The following USH2A variants were observed in gnomAD, a reference collection of about 807,000 sequenced individuals.
USH2A encodes usherin.
A neutral mutation model predicts 538.9 loss-of-function variants in USH2A; 443 were observed. That is an observed-to-expected ratio of 0.82 (90% confidence interval 0.76 to 0.89). The LOEUF (loss-of-function observed/expected upper bound fraction) is 0.89, where lower values mean the gene tolerates loss of function less well. USH2A is among the 40% of genes least tolerant of loss of function. The pLI is 0.00. For missense variants in USH2A, 6,633 were observed against 6,324.8 expected, an observed-to-expected ratio of 1.05 and a Z score of -1.65; for synonymous variants, 2,413 against 2,273.5, an observed-to-expected ratio of 1.06 and a Z score of -1.75.
intron 27 of USH2A, among the ~76,000 whole-genome samples, chr1:216,074,618 G>C (rs1341313447): frequency 6.6e-6 from 1 of 152,018 alleles, no homozygotes; most frequent in African/African-American, 2.4e-5. Flanking sequence ...AATACTGCTA[G>C]TCTATCTTAA....
At chr1:215,759,909 C>T in intron 56 of USH2A, 66 bp from the exon 57 acceptor site, 3 of 1,577,510 alleles carry the variant, frequency 1.9e-6, no homozygotes, top group Non-Finnish European at 2.6e-6. Context: ...AAAAGTCACA[C>T]CATCCCCCCC....
chr1:216,256,772 C>T (rs1466495747), intron 11 of USH2A, among the ~76,000 whole-genome samples: 1 of 151,948 alleles, frequency 6.6e-6, no homozygotes, highest in East Asian at 1.9e-4. Flanking sequence ...GGTAAGAATA[C>T]AGTAAATAAT....
chr1:215,814,160 T>A (rs2102793568), intron 48 of USH2A, among the ~76,000 whole-genome samples: 1 of 147,478 alleles, frequency 6.8e-6, no homozygotes, highest in African/African-American at 2.4e-5. Context: ...TAATATGTAT[T>A]TAATTATATA....
intron 21 of USH2A, among the ~76,000 whole-genome samples, chr1:216,124,083 T>C (rs2102596909): frequency 6.6e-6 from 1 of 152,308 alleles, no homozygotes; most frequent in East Asian, 1.9e-4. Context: ...TTAGGCTGAA[T>C]TGCTGATGCT....
At chr1:216,151,753 C>CT (rs1441671752) in intron 21 of USH2A, among the ~76,000 whole-genome samples, 3 of 152,120 alleles carry the variant, frequency 2.0e-5, no homozygotes, top group Middle Eastern at 6.3e-3. Flanking sequence ...TCAATCTGGC[C>CT]TGGTGTATGA....
At chr1:216,298,616 G>A (rs1465065042) in intron 9 of USH2A, among the ~76,000 whole-genome samples, 4 of 151,994 alleles carry the variant, frequency 2.6e-5, no homozygotes, top group African/African-American at 9.7e-5. Context: ...GCAGATATAT[G>A]GATAACCTGT....
chr1:216,123,154 C>G (rs576583023), intron 21 of USH2A, among the ~76,000 whole-genome samples: 8 of 152,216 alleles, frequency 5.3e-5, no homozygotes. Flanking sequence ...TTACACTTAC[C>G]AGAAAAGAAC....
intron 35 of USH2A, among the ~76,000 whole-genome samples, chr1:215,988,816 T>A (rs768406454): frequency 6.6e-6 from 1 of 152,178 alleles, no homozygotes; most frequent in Non-Finnish European, 1.5e-5. Flanking sequence ...TCATGAAGTA[T>A]GTACTGAACC....
chr1:215,909,642 G>A (rs551711466), intron 38 of USH2A, among the ~76,000 whole-genome samples: 1 of 151,990 alleles, frequency 6.6e-6, no homozygotes, highest in East Asian at 1.9e-4. Flanking sequence ...CTAATATAAG[G>A]GCATTGAGAG....
chr1:215,673,251 T>C (rs1211100077), intron 63 of USH2A, among the ~76,000 whole-genome samples: 3 of 152,090 alleles, frequency 2.0e-5, no homozygotes, highest in African/African-American at 7.2e-5. Context: ...CAGAGGTAAT[T>C]ATAGGAGGAT....
chr1:215,779,960 G>C lies in USH2A; in HGVS notation c.10822C>G (p.Leu3608Val). 1 of 1,614,130 alleles carries C rather than the reference G, an allele frequency of 6.2e-7. No homozygotes were observed. The highest frequency in any genetic ancestry group is 2.2e-5 in the East Asian group (1 of 44,864). Residue 3608 changes from leucine (L) to valine (V), a missense_variant, in exon 55 of 72, where the codon CTG becomes GTG. Coordinates refer to ENST00000307340, the MANE Select transcript of USH2A (RefSeq NM_206933.4). ...ITALSAVALH[L>V]SWSVPEKSNG... Reference sequence around the variant, plus strand: ...GATTTCTCAGGGACACTCCAGCTCAGATGCAGAGCCACTGCACTTAGGGCT... The same window carrying C: ...GATTTCTCAGGGACACTCCAGCTCACATGCAGAGCCACTGCACTTAGGGCT...
At chr1:216,032,741 A>G (rs6676313) in intron 32 of USH2A, among the ~76,000 whole-genome samples, 123,650 of 152,054 alleles carry the variant, frequency 0.81, 50,489 homozygotes, top group East Asian at 0.94. Flanking sequence ...GGAGGGAGCC[A>G]TGTGAAAGGA....
At chr1:215,732,134 C>A (rs138111475) in intron 60 of USH2A, among the ~76,000 whole-genome samples, 1 of 152,102 alleles carries the variant, frequency 6.6e-6, no homozygotes, top group Non-Finnish European at 1.5e-5. Context: ...CAACAGTTTA[C>A]GTAAGAATAA....
chr1:216,141,557 C>T (rs1471588815), intron 21 of USH2A, among the ~76,000 whole-genome samples: 1 of 152,148 alleles, frequency 6.6e-6, no homozygotes, highest in African/African-American at 2.4e-5. Context: ...TGGCAACCAA[C>T]CAATGGGTCT....
At chr1:216,190,758 C>CAAGCTATTTGA (rs1439152978) in intron 19 of USH2A, among the ~76,000 whole-genome samples, 8 of 151,800 alleles carry the variant, frequency 5.3e-5, no homozygotes, top group African/African-American at 1.9e-4. Flanking sequence ...CAGTAATACC[C>CAAGCTATTTGA]AAGCTATTTG....
At chr1:215,955,477 T>TA (rs1667041197) in intron 37 of USH2A, among the ~76,000 whole-genome samples, 1 of 152,190 alleles carries the variant, frequency 6.6e-6, no homozygotes, top group Non-Finnish European at 1.5e-5. Context: ...AGATACATGC[T>TA]TTCTACATGA....
At chr1:216,038,868 A>G (rs1487560165) in intron 32 of USH2A, among the ~76,000 whole-genome samples, 3 of 152,014 alleles carry the variant, frequency 2.0e-5, no homozygotes, top group Non-Finnish European at 4.4e-5. Flanking sequence ...ATTTAACTCC[A>G]TTGCTTTTCT....
At chr1:215,840,102 G>T (rs1457056880) in intron 46 of USH2A, among the ~76,000 whole-genome samples, 1 of 135,338 alleles carries the variant, frequency 7.4e-6, no homozygotes, top group Non-Finnish European at 1.5e-5. Flanking sequence ...GGCAGAGGTT[G>T]CAGTGAGCCG....
Position 216,175,850 on chromosome 1 carries a change from C to T in USH2A, c.4397-368G>A, listed in dbSNP as rs143108211. On this transcript the variant is annotated intron_variant, in intron 20 of 71. Coordinates refer to ENST00000307340, the MANE Select transcript of USH2A (RefSeq NM_206933.4). ...AGCAGGTACCCCAATGGCCCAGTTT[C>T]TGTGCCCGTTGGTTTCTGATGGCTC... Among the ~76,000 whole-genome samples, 189 of 152,316 alleles carry T rather than the reference C, an allele frequency of 1.2e-3. 1 individual carries two copies. In the East Asian group the frequency reaches 0.033, roughly 27 times the overall value.
Sources: allele counts gnomAD v4.1 joint callset (sites outside exome capture counted in the v4.1 genomes callset), GRCh38; gene constraint gnomAD v4.1.1; transcripts MANE v1.5; gene names NCBI Gene and HGNC (gene_info 2026-07-23, HGNC 2026-07-21).